Variants in CCDC3 observed in about 807,000 individuals in gnomAD.
The protein encoded by CCDC3 is coiled-coil domain-containing protein 3.
A neutral mutation model predicts 21.4 loss-of-function variants in CCDC3; 24 were observed. The ratio of observed to expected loss-of-function variants is 1.12; its 90% CI spans 0.81 to 1.58. The LOEUF is 1.58. CCDC3 is among the 40% of genes most tolerant of loss of function. CCDC3 has a pLI of 0.00. For synonymous variants in CCDC3, 186 were observed against 166.0 expected (o/e 1.12, Z -0.93); for missense variants, 425 against 360.9 (o/e 1.18, Z -1.44).
At chr10:12,999,326 G>C (rs1244763858) in intron 1 of CCDC3, among the ~76,000 whole-genome samples, 1 of 152,178 alleles carries the variant, frequency 6.6e-6, no homozygotes, top group East Asian at 1.9e-4. Flanking sequence ...AGTAAATGAA[G>C]CACTTGGTAC....
At chr10:13,004,182 G>A (rs1314409983), upstream of CCDC3, among the ~76,000 whole-genome samples, 2 of 152,156 alleles carry the variant, frequency 1.3e-5, no homozygotes, top group Non-Finnish European at 2.9e-5. Flanking sequence ...GTATATGTAT[G>A]TTCTGTTTCA....
intron 2 of CCDC3, among the ~76,000 whole-genome samples, chr10:12,906,167 A>G (rs1364607126): frequency 6.6e-6 from 1 of 152,290 alleles, no homozygotes; most frequent in East Asian, 1.9e-4. Flanking sequence ...GGATGCCCAG[A>G]GCTGCTGAAA....
intron 4 of CCDC3, among the ~76,000 whole-genome samples, chr10:13,072,186 A>C (rs1251197526): frequency 6.6e-6 from 1 of 151,954 alleles, no homozygotes; most frequent in Non-Finnish European, 1.5e-5. Flanking sequence ...CCAGTTGTCT[A>C]TTCTCGCCTT....
chr10:13,026,103 C>T (rs1327313850), intron 5 of CCDC3, among the ~76,000 whole-genome samples: 9 of 152,078 alleles, frequency 5.9e-5, no homozygotes, highest in Admixed American at 5.9e-4. Context: ...ATTGCTTGAA[C>T]CCGAGAGGCA....
chr10:13,078,004 C>T (rs993799218), intron 3 of CCDC3, among the ~76,000 whole-genome samples: 1 of 152,152 alleles, frequency 6.6e-6, no homozygotes, highest in African/African-American at 2.4e-5. Context: ...CTGAAATAGA[C>T]AAATGGGATC....
intron 2 of CCDC3, among the ~76,000 whole-genome samples, chr10:12,972,224 A>G (rs1338762215): frequency 6.6e-6 from 1 of 152,072 alleles, no homozygotes; most frequent in Non-Finnish European, 1.5e-5. Context: ...GGTTCCTGTG[A>G]GTTTCTTCAT....
intron 5 of CCDC3, among the ~76,000 whole-genome samples, chr10:13,037,414 A>G (rs1179193088): frequency 9.2e-5 from 14 of 152,178 alleles, no homozygotes; most frequent in Non-Finnish European, 2.9e-5. Context: ...ATCCTACATA[A>G]AAATTCCCCA....
intron 3 of CCDC3, among the ~76,000 whole-genome samples, chr10:13,084,013 T>C (rs541842877): frequency 6.6e-6 from 1 of 152,368 alleles, no homozygotes; most frequent in East Asian, 1.9e-4. Context: ...AAACATTTTA[T>C]ATATAACATC....
Position 12,998,368 on chromosome 10 carries a change from G to A in CCDC3, c.519C>T (p.Ser173=). Residue 173 remains serine (S), a synonymous_variant, in exon 2 of 3, where the codon TCC becomes TCT. Transcript: ENST00000378825. Reference sequence around the variant, plus strand: ...TGTCTTCCTGGATTTCCCAGTCACTGGAGAAAGTCGCCAGCTGCTGCCCTT... The same window carrying A: ...TGTCTTCCTGGATTTCCCAGTCACTAGAGAAAGTCGCCAGCTGCTGCCCTT... ...CSQGQQLATF[S]SDWEIQEDSR... is the part of the protein sequence containing the mutation. The A allele has an allele frequency of 6.2e-7, 1 of 1,614,086 alleles. No homozygotes were observed. The highest frequency in any genetic ancestry group is 1.3e-5 in the African/African-American group (1 of 75,024).
intron 2 of CCDC3, among the ~76,000 whole-genome samples, chr10:12,983,036 C>A (rs929539352): frequency 1.3e-5 from 2 of 149,784 alleles, no homozygotes; most frequent in Non-Finnish European, 3.0e-5. Context: ...GGCTTAAACC[C>A]GGAAGGCGGA....
intron 4 of CCDC3, among the ~76,000 whole-genome samples, chr10:13,064,159 C>T (rs1000143039): frequency 1.3e-5 from 2 of 152,014 alleles, no homozygotes; most frequent in African/African-American, 2.4e-5. Flanking sequence ...CTCCTGACCT[C>T]GTGATCCACC....
At chr10:12,934,788 T>C (rs1310601103) in intron 2 of CCDC3, among the ~76,000 whole-genome samples, 1 of 151,878 alleles carries the variant, frequency 6.6e-6, no homozygotes, top group African/African-American at 2.4e-5. Flanking sequence ...GTTGACATGG[T>C]ATGGCTTTCT....
intron 5 of CCDC3, among the ~76,000 whole-genome samples, chr10:13,017,787 T>A (rs1836089789): frequency 6.6e-6 from 1 of 152,038 alleles, no homozygotes; most frequent in African/African-American, 2.4e-5. Flanking sequence ...CTCTATCCCA[T>A]TGGGGTTGAC....
At chr10:13,030,229 T>A (rs535558543) in intron 5 of CCDC3, among the ~76,000 whole-genome samples, 2 of 152,136 alleles carry the variant, frequency 1.3e-5, no homozygotes, top group Admixed American at 6.5e-5. Flanking sequence ...GAATTTCATA[T>A]CCAGTCAAAC....
chr10:12,993,814 G>T (rs546088608), intron 2 of CCDC3, among the ~76,000 whole-genome samples: 4 of 152,198 alleles, frequency 2.6e-5, no homozygotes, highest in African/African-American at 7.2e-5. Flanking sequence ...TTACTAATGC[G>T]TGGGTGGGAT....
At chr10:13,002,131 G>A (rs192875010), upstream of CCDC3, among the ~76,000 whole-genome samples, 44 of 152,326 alleles carry the variant, frequency 2.9e-4, no homozygotes, top group East Asian at 6.6e-3. Context: ...TGTGGGCTGA[G>A]ATCTCGTGCT....
At chr10:13,090,083 GTTTC>G (rs1554766819) in intron 3 of CCDC3, among the ~76,000 whole-genome samples, 1 of 117,096 alleles carries the variant, frequency 8.5e-6, no homozygotes, top group Non-Finnish European at 1.7e-5. Context: ...ATATATCACC[GTTTC>G]TTTCTTTTTT....
intron 2 of CCDC3, among the ~76,000 whole-genome samples, chr10:12,963,579 GTTTTTTT>G (rs10588443): frequency 1.1e-5 from 1 of 90,122 alleles, no homozygotes; most frequent in African/African-American, 4.1e-5. Flanking sequence ...TGTTTTCCGG[GTTTTTTT>G]TTTTTTTTTT....
chr10:12,976,025 T>C (rs1835412713), intron 2 of CCDC3, among the ~76,000 whole-genome samples: 1 of 152,224 alleles, frequency 6.6e-6, no homozygotes, highest in South Asian at 2.1e-4. Flanking sequence ...GTAAGCCCTA[T>C]GTCTCTCCTG....
Sources: allele counts gnomAD v4.1 joint callset (sites outside exome capture counted in the v4.1 genomes callset), GRCh38; gene constraint gnomAD v4.1.1; transcripts MANE v1.5; gene names NCBI Gene and HGNC (gene_info 2026-07-23, HGNC 2026-07-21).